MITF: variants seen among roughly 807,000 people sequenced by gnomAD.
The protein encoded by MITF is melanocyte inducing transcription factor.
A neutral mutation model predicts 60.5 loss-of-function variants in MITF; 17 were observed. That is an observed-to-expected ratio of 0.28 (90% CI 0.19 to 0.42). The LOEUF is 0.42. MITF is among the 10% of genes least tolerant of loss of function. The pLI is 1.00. For missense variants in MITF, 622 were observed against 683.5 expected, an observed-to-expected ratio of 0.91 and a Z score of 1.00; for synonymous variants, 260 against 248.5, an observed-to-expected ratio of 1.05 and a Z score of -0.43.
intron 1 of MITF, among the ~76,000 whole-genome samples, chr3:69,862,450 C>T (rs1474002333): frequency 6.6e-6 from 1 of 152,050 alleles, no homozygotes; most frequent in Non-Finnish European, 1.5e-5. Flanking sequence ...TATGAGTTTA[C>T]TGGAAAGAAA....
At position 69,921,305 on chromosome 3, in the gene MITF, A is replaced by G. The variant is rs572574815; in HGVS notation, c.355-16517A>G. 3.9e-5 allele frequency among the ~76,000 whole-genome samples: 6 copies of G among 152,312 alleles called. No homozygotes were observed. The South Asian group carries it at 1.2e-3, about 32-fold the overall frequency. On this transcript the variant is annotated intron_variant, in intron 2 of 9. Coordinates refer to ENST00000352241, the MANE Select transcript of MITF (RefSeq NM_001354604.2). Reference sequence around the variant, plus strand: ...GTATAGTAACGTTCCTTTATTTACTATTTTATCAGACATAAGAGACTTTTA... The same window carrying G: ...GTATAGTAACGTTCCTTTATTTACTGTTTTATCAGACATAAGAGACTTTTA...
At chr3:69,831,989 C>A (rs898353537) in intron 1 of MITF, among the ~76,000 whole-genome samples, 2 of 152,132 alleles carry the variant, frequency 1.3e-5, no homozygotes, top group African/African-American at 2.4e-5. Context: ...GGAGCCGGTG[C>A]CCCAATTTAC....
chr3:69,856,263 C>G (rs2063916783), intron 1 of MITF, among the ~76,000 whole-genome samples: 1 of 151,992 alleles, frequency 6.6e-6, no homozygotes, highest in Non-Finnish European at 1.5e-5. Flanking sequence ...CTTTTGCTTG[C>G]AAAAACCACA....
At chr3:69,868,809 G>A (rs2064166368) in intron 1 of MITF, among the ~76,000 whole-genome samples, 1 of 150,602 alleles carries the variant, frequency 6.6e-6, no homozygotes, top group Non-Finnish European at 1.5e-5. Context: ...TGAGAAAGGA[G>A]AATTGCTTGA....
intron 2 of MITF, among the ~76,000 whole-genome samples, chr3:69,935,658 T>C (rs1356328560): frequency 6.6e-6 from 1 of 152,198 alleles, no homozygotes; most frequent in African/African-American, 2.4e-5. Context: ...TAGCTTAACA[T>C]AACATTTGTC....
At position 69,790,381 on chromosome 3, in the gene MITF, G is replaced by A. The variant is rs190358206; in HGVS notation, c.104+50680G>A. On this transcript the variant is annotated intron_variant, in intron 1 of 9. Transcript: ENST00000352241. ...AATGGGTATAGAGCTTCAGTTTTGC[G>A]AGATGAAAAAGTTCTGGAGATCTCT... is the stretch of plus-strand genomic sequence containing the variant. Among the ~76,000 whole-genome samples the A allele has an allele frequency of 6.7e-3, 1,021 of 152,242 alleles. 11 individuals are homozygous for A. Among genetic ancestry groups the A allele is most frequent in the African/African-American group, 0.023 (970 of 41,544 alleles).
chr3:69,780,238 A>T (rs945053724), intron 1 of MITF, among the ~76,000 whole-genome samples: 2 of 152,186 alleles, frequency 1.3e-5, no homozygotes, highest in African/African-American at 4.8e-5. Flanking sequence ...GATAACTACT[A>T]TTCTACCACT....
chr3:69,834,176 A>G (rs1215401095), intron 1 of MITF, among the ~76,000 whole-genome samples: 1 of 151,808 alleles, frequency 6.6e-6, no homozygotes. Flanking sequence ...AGATTCAAAA[A>G]CCTCTTTTCT....
intron 6 of MITF, among the ~76,000 whole-genome samples, chr3:69,951,262 A>AT (rs977241618): frequency 1.1e-4 from 16 of 149,896 alleles, no homozygotes; most frequent in South Asian, 4.3e-4. Flanking sequence ...TGCTGGACTT[A>AT]TTTTTTTTTA....
rs201811974 is a variant in MITF at position 69,781,706 on chromosome 3, CTA to C, written c.104+42007_104+42008del. 9.2e-5 allele frequency among the ~76,000 whole-genome samples: 14 copies of C among 152,160 alleles called. No individual in the cohort carries two copies. In the East Asian group the frequency reaches 2.1e-3, roughly 23 times the overall value. ...TGCAAATAAGAAAAGGGTGAAAGCTCTATGTTTAACAAGATCTCTGTTCCCAA... is the reference window on the plus strand; with the variant it reads ...TGCAAATAAGAAAAGGGTGAAAGCTCTGTTTAACAAGATCTCTGTTCCCAA... On this transcript the variant is annotated intron_variant, in intron 1 of 9. Transcript: ENST00000352241.
chr3:69,870,440 A>ATATT lies in MITF; in HGVS notation c.105-8693_105-8692insATTT, dbSNP rs1435617160. On this transcript the variant is annotated intron_variant, in intron 1 of 9. Transcript: ENST00000352241. ...TATGTGTGTGTATATATATATATAT[A>ATATT]TTTTTTTTTTTTTGAGACGGAATCT... is the stretch of plus-strand genomic sequence containing the variant. Among the ~76,000 whole-genome samples, 1,011 of 135,238 alleles carry ATATT rather than the reference A, an allele frequency of 7.5e-3. 13 individuals carry two copies. Among genetic ancestry groups the ATATT allele is most frequent in the African/African-American group, 0.025 (918 of 36,188 alleles). The allele number at this position is 135,238 out of a possible 152,430, so 88.7% of individuals were successfully genotyped here.
At chr3:69,759,260 C>T (rs1304340777) in intron 1 of MITF, among the ~76,000 whole-genome samples, 1 of 152,130 alleles carries the variant, frequency 6.6e-6, no homozygotes, top group Admixed American at 6.5e-5. Flanking sequence ...TTGTGGCCAG[C>T]AGCACTATAA....
At position 69,887,254 on chromosome 3, in the gene MITF, C is replaced by T. The variant is rs1425345266; in HGVS notation, c.354+7871C>T. Among the ~76,000 whole-genome samples the T allele has an allele frequency of 2.6e-5, 4 of 152,062 alleles. No homozygotes were observed. In the East Asian group the frequency reaches 7.7e-4, roughly 29 times the overall value. On this transcript the variant is annotated intron_variant, in intron 2 of 9. Coordinates refer to ENST00000352241, the MANE Select transcript of MITF (RefSeq NM_001354604.2). ...AAGAAAGGACTTAGCTTTGAAAGAC[C>T]ACTTAATTTGAAAGACTCTTCAGTT...
chr3:69,776,046 A>T (rs915328686), intron 1 of MITF, among the ~76,000 whole-genome samples: 10 of 152,186 alleles, frequency 6.6e-5, no homozygotes, highest in Admixed American at 3.9e-4. Context: ...TGAACTGAAG[A>T]GTTTTAAAGA....
At chr3:69,829,672 G>GCACACA (rs34482357) in intron 1 of MITF, among the ~76,000 whole-genome samples, 3,493 of 150,678 alleles carry the variant, frequency 0.023, 53 homozygotes, top group Middle Eastern at 0.052. Context: ...AGGTGTGGAT[G>GCACACA]CACACACACA....
intron 1 of MITF, among the ~76,000 whole-genome samples, chr3:69,806,722 C>G (rs947346258): frequency 6.6e-6 from 1 of 152,112 alleles, no homozygotes; most frequent in African/African-American, 2.4e-5. Context: ...AGATGCCCGG[C>G]GAGGACAGTG....
intron 2 of MITF, among the ~76,000 whole-genome samples, chr3:69,931,706 G>A (rs1244828901): frequency 2.0e-5 from 3 of 152,140 alleles, no homozygotes; most frequent in African/African-American, 7.2e-5. Context: ...TGATATAAAT[G>A]TATATATATT....
chr3:69,792,335 C>A (rs2062753897), intron 1 of MITF, among the ~76,000 whole-genome samples: 1 of 152,174 alleles, frequency 6.6e-6, no homozygotes, highest in African/African-American at 2.4e-5. Context: ...AAAATAGGAA[C>A]AACAGATTCA....
chr3:69,792,648 C>G (rs1373548199), intron 1 of MITF, among the ~76,000 whole-genome samples: 1 of 152,124 alleles, frequency 6.6e-6, no homozygotes, highest in Non-Finnish European at 1.5e-5. Context: ...CAAAAGTGGA[C>G]TCGTTCTGGG....
Sources: allele counts gnomAD v4.1 joint callset (sites outside exome capture counted in the v4.1 genomes callset), GRCh38; gene constraint gnomAD v4.1.1; transcripts MANE v1.5; gene names NCBI Gene and HGNC (gene_info 2026-07-23, HGNC 2026-07-21).